Variants in HS2ST1 observed in about 807,000 individuals in gnomAD.
The protein encoded by HS2ST1 is 2-O-sulfotransferase.
Under a neutral mutation model 42.9 loss-of-function variants are expected in HS2ST1, and 18 were observed. The ratio of observed to expected loss-of-function variants is 0.42; its 90% CI spans 0.29 to 0.62. The LOEUF is 0.62. HS2ST1 is among the 20% of genes least tolerant of loss of function. HS2ST1 has a pLI of 0.21. For missense variants in HS2ST1, 334 were observed against 433.8 expected, an observed-to-expected ratio of 0.77 and a Z score of 2.04; for synonymous variants, 146 against 152.9, an observed-to-expected ratio of 0.95 and a Z score of 0.33.
intron 1 of HS2ST1, among the ~76,000 whole-genome samples, chr1:86,970,744 T>G (rs1016563143): frequency 4.6e-5 from 7 of 152,196 alleles, no homozygotes; most frequent in African/African-American, 1.7e-4. Flanking sequence ...ATGTCCACAT[T>G]TAAAGTTATT....
intron 1 of HS2ST1, among the ~76,000 whole-genome samples, chr1:86,969,305 C>A (rs1162854104): frequency 2.6e-5 from 4 of 152,070 alleles, no homozygotes; most frequent in African/African-American, 4.8e-5. Context: ...TCTTTCTATG[C>A]CCTTTTCTTT....
At chr1:87,031,550 C>G (rs1650238459) in intron 1 of HS2ST1, among the ~76,000 whole-genome samples, 1 of 152,170 alleles carries the variant, frequency 6.6e-6, no homozygotes, top group Non-Finnish European at 1.5e-5. Flanking sequence ...TCAGCTAAAG[C>G]ACTAGTGTGC....
chr1:86,915,258 T>A, intron 1 of HS2ST1, 98 bp downstream of exon 1: 2 of 1,388,786 alleles, frequency 1.4e-6, no homozygotes, highest in Non-Finnish European at 1.9e-6. Flanking sequence ...GGGGTCTGGC[T>A]CGGGGGCTGA....
At chr1:87,103,817 C>A (rs1652271570) in intron 6 of HS2ST1, among the ~76,000 whole-genome samples, 1 of 152,094 alleles carries the variant, frequency 6.6e-6, no homozygotes, top group Admixed American at 6.6e-5. Flanking sequence ...ACAGAACCAG[C>A]CATAGAAATG....
Position 87,104,772 on chromosome 1 carries a change from G to C in HS2ST1, c.*76G>C. ...ACCTTTGTTCTCAGCTCCACAGTCT[G>C]GATTGCTGACAGTAGGTGTATATGA... On this transcript the variant is annotated 3_prime_UTR_variant, in exon 7 of 7. Transcript: ENST00000370550. 1 of 880,942 alleles carries C rather than the reference G, an allele frequency of 1.1e-6. No individual in the cohort carries two copies. The highest frequency in any genetic ancestry group is 1.8e-6 in the Non-Finnish European group (1 of 545,912). The allele number at this position is 880,942 out of a possible 1,614,324, so 54.6% of individuals were successfully genotyped here. A position where few individuals can be genotyped will look rare whatever the true frequency, so the allele number is the denominator to read the frequency against.
At chr1:86,960,782 G>A (rs7545567) in intron 1 of HS2ST1, among the ~76,000 whole-genome samples, 115,530 of 152,042 alleles carry the variant, frequency 0.76, 44,659 homozygotes, top group East Asian at 0.97. Context: ...ACATGCTGGT[G>A]AGTATGTGGA....
chr1:86,988,484 A>T (rs1172358780), intron 1 of HS2ST1, among the ~76,000 whole-genome samples: 1 of 152,248 alleles, frequency 6.6e-6, no homozygotes, highest in East Asian at 1.9e-4. Context: ...TGTCCAGTGC[A>T]TTAATTGTCA....
intron 2 of HS2ST1, among the ~76,000 whole-genome samples, chr1:87,080,221 A>T (rs1421028088): frequency 6.6e-6 from 1 of 152,210 alleles, no homozygotes; most frequent in African/African-American, 2.4e-5. Flanking sequence ...GTTACCCAAG[A>T]TAATAAAAAG....
intron 4 of HS2ST1, 138 bp downstream of exon 4, chr1:87,092,807 A>G: frequency 2.2e-6 from 1 of 447,702 alleles, no homozygotes; most frequent in Non-Finnish European, 3.6e-6. Flanking sequence ...CCAAAATATA[A>G]AGAAGCAAAA....
chr1:87,036,925 A>G (rs1183255095), intron 1 of HS2ST1, among the ~76,000 whole-genome samples: 4 of 152,330 alleles, frequency 2.6e-5, no homozygotes, highest in African/African-American at 9.6e-5. Context: ...GATGCTTAAA[A>G]GGATAAGCTC....
At chr1:86,957,249 A>G (rs984202562) in intron 1 of HS2ST1, among the ~76,000 whole-genome samples, 1 of 152,208 alleles carries the variant, frequency 6.6e-6, no homozygotes, top group Non-Finnish European at 1.5e-5. Context: ...TTTTACATGA[A>G]TTATTTAATT....
At chr1:87,088,900 G>T (rs1052473063) in intron 3 of HS2ST1, among the ~76,000 whole-genome samples, 2 of 152,006 alleles carry the variant, frequency 1.3e-5, no homozygotes, top group Admixed American at 6.6e-5. Context: ...CTTGCCACTA[G>T]GATTAGAAAG....
intron 1 of HS2ST1, among the ~76,000 whole-genome samples, chr1:86,930,636 G>T (rs890838909): frequency 6.6e-6 from 1 of 151,772 alleles, no homozygotes; most frequent in Non-Finnish European, 1.5e-5. Context: ...GGAAAAGTGG[G>T]CTTTTTAAAA....
At chr1:86,973,808 G>A (rs1017557423) in intron 1 of HS2ST1, among the ~76,000 whole-genome samples, 2 of 152,092 alleles carry the variant, frequency 1.3e-5, no homozygotes, top group East Asian at 3.9e-4. Context: ...CATTTAATGG[G>A]ATAAAATATG....
chr1:87,045,369 T>C (rs879028003), intron 1 of HS2ST1: 44 of 1,401,664 alleles, frequency 3.1e-5, no homozygotes, highest in African/African-American at 5.7e-5. Context: ...GTCTCTCCCT[T>C]TTCAGAAGAT....
At chr1:87,051,969 T>C (rs557204970) in intron 1 of HS2ST1, among the ~76,000 whole-genome samples, 3 of 152,198 alleles carry the variant, frequency 2.0e-5, no homozygotes, top group Non-Finnish European at 4.4e-5. Context: ...TAAAAAGTTT[T>C]AGGCCAGGTG....
chr1:87,057,565 CTT>C (rs33933183), intron 1 of HS2ST1, among the ~76,000 whole-genome samples: 1 of 141,324 alleles, frequency 7.1e-6, no homozygotes, highest in Non-Finnish European at 1.5e-5. Context: ...CCAGAAGGCA[CTT>C]TTTTTTTTTT....
At chr1:86,993,106 C>T (rs1441028757) in intron 1 of HS2ST1, 1 of 1,601,400 alleles carries the variant, frequency 6.2e-7, no homozygotes, top group Non-Finnish European at 8.5e-7. Flanking sequence ...ATTCATTCAT[C>T]TCGAAGTATT....
At position 86,914,877 on chromosome 1, in the gene HS2ST1, A is replaced by C. The variant is rs566910103; in HGVS notation, c.-160A>C. ...TGGTGATAGCGCCTGGGGGAGGGGG[A>C]CTGGAGAGGCGAGAAGGGGGGTCGC... On this transcript the variant is annotated 5_prime_UTR_variant, in exon 1 of 7. Coordinates refer to ENST00000370550, the MANE Select transcript of HS2ST1 (RefSeq NM_012262.4). The C allele has an allele frequency of 9.3e-6, 7 of 754,346 alleles. No individual in the cohort carries two copies. In the East Asian group the frequency reaches 1.9e-4, roughly 20 times the overall value. 46.7% of individuals were successfully genotyped at this position (754,346 alleles called of 1,614,324 possible).
Sources: gnomAD v4.1 joint callset for allele counts (sites outside exome capture counted in the v4.1 genomes callset) on GRCh38, gnomAD v4.1.1 for gene constraint, MANE v1.5 for transcripts, NCBI Gene and HGNC (gene_info 2026-07-23, HGNC 2026-07-21) for gene names.